The following BAIAP2L1 variants were observed in gnomAD, a reference collection of about 807,000 sequenced individuals.
The protein encoded by BAIAP2L1 is BAR/IMD domain-containing adapter protein 2-like 1.
A neutral mutation model predicts 66.3 loss-of-function variants in BAIAP2L1; 35 were observed. The ratio of observed to expected loss-of-function variants is 0.53; its 90% CI spans 0.40 to 0.70. The LOEUF (loss-of-function observed/expected upper bound fraction) is 0.70, where lower values mean the gene tolerates loss of function less well. BAIAP2L1 is among the 30% of genes least tolerant of loss of function. The probability of loss-of-function intolerance (pLI) is 0.00; values close to 1 mark genes in which losing one functional copy is unlikely to be tolerated. For missense variants in BAIAP2L1, 622 were observed against 656.9 expected (o/e 0.95, Z 0.58); for synonymous variants, 269 against 248.7 (o/e 1.08, Z -0.77).
chr7:98,387,906 C>CA (rs941105624), intron 1 of BAIAP2L1, among the ~76,000 whole-genome samples: 2 of 151,704 alleles, frequency 1.3e-5, no homozygotes, highest in Non-Finnish European at 2.9e-5. Context: ...AACCAACAAC[C>CA]AAAAAAACCT....
intron 2 of BAIAP2L1, among the ~76,000 whole-genome samples, chr7:98,360,325 G>A (rs749617747): frequency 3.3e-5 from 5 of 151,804 alleles, no homozygotes; most frequent in East Asian, 1.9e-4. Flanking sequence ...TTACAGGCAC[G>A]AGCCACCACG....
intron 3 of BAIAP2L1, among the ~76,000 whole-genome samples, chr7:98,350,105 C>A (rs1160210530): frequency 2.0e-5 from 3 of 146,976 alleles, no homozygotes; most frequent in East Asian, 2.0e-4. Flanking sequence ...GACCCTGCCT[C>A]AAAAAGGGGG....
chr7:98,296,839 C>T (rs140252975), intron 12 of BAIAP2L1, among the ~76,000 whole-genome samples: 159 of 152,328 alleles, frequency 1.0e-3, no homozygotes, highest in African/African-American at 3.8e-3. Flanking sequence ...ACATACGGTG[C>T]CTCTTATCTG....
chr7:98,345,040 A>G (rs1414613209), intron 3 of BAIAP2L1, among the ~76,000 whole-genome samples: 1 of 152,210 alleles, frequency 6.6e-6, no homozygotes, highest in Non-Finnish European at 1.5e-5. Flanking sequence ...TTCCAATGGC[A>G]AAACTTTTAC....
chr7:98,364,271 G>A (rs1156918518), intron 1 of BAIAP2L1, among the ~76,000 whole-genome samples: 2 of 152,028 alleles, frequency 1.3e-5, no homozygotes, highest in East Asian at 1.9e-4. Flanking sequence ...TTTCCGCCCC[G>A]CCACCTTTGC....
Position 98,331,673 on chromosome 7 carries a change from G to A in BAIAP2L1, c.215-11375C>T, listed in dbSNP as rs974991665. Among the ~76,000 whole-genome samples, 3 of 152,026 alleles carry A rather than the reference G, an allele frequency of 2.0e-5. No homozygotes were observed. In the East Asian group the frequency reaches 5.8e-4, roughly 30 times the overall value. On this transcript the variant is annotated intron_variant, in intron 3 of 13. Coordinates refer to ENST00000005260, the MANE Select transcript of BAIAP2L1 (RefSeq NM_018842.5). ...AGTAGAGATGGGGTTTCACCATGTT[G>A]GCCAGACTGTGTTTCGAAATCCTGA...
chr7:98,348,866 G>C (rs1414729549), intron 3 of BAIAP2L1, among the ~76,000 whole-genome samples: 2 of 152,212 alleles, frequency 1.3e-5, no homozygotes, highest in Non-Finnish European at 2.9e-5. Flanking sequence ...TTAACAGCAG[G>C]AATGTGGCAA....
At chr7:98,351,076 G>A (rs2115676222) in intron 3 of BAIAP2L1, among the ~76,000 whole-genome samples, 1 of 152,110 alleles carries the variant, frequency 6.6e-6, no homozygotes, top group South Asian at 2.1e-4. Flanking sequence ...GGCCAGGCTA[G>A]GCTCGAACTC....
At position 98,361,276 on chromosome 7, in the gene BAIAP2L1, G is replaced by A. The variant is rs370593992; in HGVS notation, c.127+1081C>T. Among the ~76,000 whole-genome samples, 20 of 151,904 alleles carry A rather than the reference G, an allele frequency of 1.3e-4. No homozygotes were observed. In the East Asian group the frequency reaches 1.7e-3, roughly 13 times the overall value. Reference sequence around the variant, plus strand: ...GGAGGCTGAGGCAGAAGAATCGCTTGAGCCTGGGAGGCAGAGGTTGCAGTG... The same window carrying A: ...GGAGGCTGAGGCAGAAGAATCGCTTAAGCCTGGGAGGCAGAGGTTGCAGTG... On this transcript the variant is annotated intron_variant, in intron 2 of 13. Transcript: ENST00000005260.
At chr7:98,356,712 T>C (rs2115700162) in intron 2 of BAIAP2L1, among the ~76,000 whole-genome samples, 1 of 147,720 alleles carries the variant, frequency 6.8e-6, no homozygotes, top group South Asian at 2.1e-4. Context: ...TGCAGTGGCT[T>C]ACACCTGTAC....
chr7:98,311,276 G>T (rs1800857511), intron 8 of BAIAP2L1, among the ~76,000 whole-genome samples: 1 of 152,126 alleles, frequency 6.6e-6, no homozygotes, highest in Admixed American at 6.6e-5. Context: ...GGGTGCAGTG[G>T]CTCACGCCTG....
At chr7:98,379,161 GA>G (rs1802701234) in intron 1 of BAIAP2L1, among the ~76,000 whole-genome samples, 2 of 151,948 alleles carry the variant, frequency 1.3e-5, no homozygotes, top group South Asian at 4.2e-4. Context: ...TTACAGGCAT[GA>G]GCCACCGAGC....
chr7:98,395,390 G>T (rs1207473285), intron 1 of BAIAP2L1, among the ~76,000 whole-genome samples: 2 of 149,556 alleles, frequency 1.3e-5, no homozygotes, highest in African/African-American at 4.9e-5. Flanking sequence ...AGTGAGCCAA[G>T]ACTGAGCCAC....
chr7:98,371,008 G>A (rs1802500149), intron 1 of BAIAP2L1, among the ~76,000 whole-genome samples: 1 of 152,280 alleles, frequency 6.6e-6, no homozygotes, highest in Non-Finnish European at 1.5e-5. Flanking sequence ...TGTAGTTGAG[G>A]CAAAGGTCGG....
chr7:98,370,424 G>A (rs949783295), intron 1 of BAIAP2L1, among the ~76,000 whole-genome samples: 8 of 150,546 alleles, frequency 5.3e-5, no homozygotes, highest in African/African-American at 1.2e-4. Context: ...TCAATACTGA[G>A]TTTTTAAGCT....
intron 11 of BAIAP2L1, among the ~76,000 whole-genome samples, chr7:98,304,697 G>A (rs1163075045): frequency 3.3e-5 from 5 of 151,920 alleles, no homozygotes; most frequent in Admixed American, 6.6e-5. Context: ...ACAGGTGCAC[G>A]CCAGTGTGCC....
intron 3 of BAIAP2L1, among the ~76,000 whole-genome samples, chr7:98,342,014 C>G (rs965999156): frequency 2.1e-5 from 3 of 139,558 alleles, no homozygotes; most frequent in African/African-American, 7.9e-5. Context: ...AGTAACATTT[C>G]AAAAATGTTT....
chr7:98,318,803 G>A (rs753164252), intron 5 of BAIAP2L1, among the ~76,000 whole-genome samples: 1 of 151,670 alleles, frequency 6.6e-6, no homozygotes, highest in Non-Finnish European at 1.5e-5. Context: ...AATTAGCCGG[G>A]TGCAGTGGTG....
chr7:98,362,846 A>T (rs1489864892), intron 1 of BAIAP2L1, among the ~76,000 whole-genome samples: 1 of 152,160 alleles, frequency 6.6e-6, no homozygotes, highest in Non-Finnish European at 1.5e-5. Flanking sequence ...GCAATGTTTC[A>T]AATAGATTTC....
Sources: allele counts gnomAD v4.1 joint callset (sites outside exome capture counted in the v4.1 genomes callset), GRCh38; gene constraint gnomAD v4.1.1; transcripts MANE v1.5; gene names NCBI Gene and HGNC (gene_info 2026-07-23, HGNC 2026-07-21).